Variants in MAP3K19 observed in about 807,000 individuals in gnomAD.
The protein encoded by MAP3K19 is SPS1/STE20-related protein kinase YSK4.
In MAP3K19, 91 loss-of-function variants were observed where a neutral mutation model predicts 114.4. That is an observed-to-expected ratio of 0.80 (90% CI 0.67 to 0.95). The LOEUF (loss-of-function observed/expected upper bound fraction) is 0.95. Ranked by LOEUF, MAP3K19 falls within the 40% of genes least tolerant of loss-of-function variation. MAP3K19 has a pLI of 0.00. For missense variants in MAP3K19, 1,471 were observed against 1,573.2 expected, an observed-to-expected ratio of 0.94 and a Z score of 1.10; for synonymous variants, 518 against 530.5, an observed-to-expected ratio of 0.98 and a Z score of 0.32.
intron 12 of MAP3K19, among the ~76,000 whole-genome samples, chr2:134,971,436 A>G (rs895840747): frequency 1.3e-5 from 2 of 152,162 alleles, no homozygotes; most frequent in African/African-American, 2.4e-5. Flanking sequence ...TGCTGGCTTC[A>G]TTGAATGAGT....
intron 3 of MAP3K19, among the ~76,000 whole-genome samples, chr2:135,028,606 A>G (rs1194172447): frequency 1.3e-5 from 2 of 152,154 alleles, no homozygotes; most frequent in African/African-American, 4.8e-5. Context: ...ACCTGTATTT[A>G]CATAGTCAAA....
Position 134,999,032 on chromosome 2 carries a change from A to G in MAP3K19, c.315-35T>C. The G allele has an allele frequency of 6.3e-7, 1 of 1,591,546 alleles. No individual in the cohort carries two copies. Among genetic ancestry groups the G allele is most frequent in the South Asian group, 1.1e-5 (1 of 87,176 alleles). Reference sequence around the variant, plus strand: ...GAGGGAAATGTTTGATTTAAAACTCAGTTGCCACATCTTCTGGATCTCCAG... The same window carrying G: ...GAGGGAAATGTTTGATTTAAAACTCGGTTGCCACATCTTCTGGATCTCCAG... On this transcript the variant is annotated intron_variant, in intron 7 of 12. Transcript: ENST00000392915. This position sits in a 1 kb window ranked among gnomAD's most constrained non-coding sequence, Gnocchi z 4.1.
At chr2:134,997,622 C>A (rs1686094802) in intron 8 of MAP3K19, among the ~76,000 whole-genome samples, 1 of 151,950 alleles carries the variant, frequency 6.6e-6, no homozygotes, top group Admixed American at 6.6e-5. Context: ...AGATCGACAC[C>A]ATCCTGGCCA....
At chr2:135,004,450 C>T (rs1465806697) in intron 6 of MAP3K19, among the ~76,000 whole-genome samples, 1 of 152,194 alleles carries the variant, frequency 6.6e-6, no homozygotes, top group East Asian at 1.9e-4. Flanking sequence ...ATCGCACCAC[C>T]TCCCGGAGGA....
At chr2:135,021,525 C>T (rs1021898635) in intron 5 of MAP3K19, among the ~76,000 whole-genome samples, 190 bp downstream of exon 5, 2 of 152,140 alleles carry the variant, frequency 1.3e-5, no homozygotes, top group African/African-American at 4.8e-5. Flanking sequence ...ATGCATGAGT[C>T]TCAGAGTTTA....
rs753755442 is a variant in MAP3K19, at chr2:135,040,455, C to T, written c.-376G>A. The stretch of plus-strand genomic sequence containing the variant: ...AGGTTTCCGAGGATGGATTGGACTT[C>T]GGTAATATAGTCACAGATGAGTTCC... On this transcript the variant is annotated 5_prime_UTR_variant, in exon 2 of 13. Transcript: ENST00000392915. 19 of 152,684 alleles carry T rather than the reference C, an allele frequency of 1.2e-4. No homozygotes were observed. The highest frequency in any genetic ancestry group is 1.9e-4 in the Non-Finnish European group (13 of 68,024). The allele number at this position is 152,684 out of a possible 1,614,324, so 9.5% of individuals were successfully genotyped here. A position where few individuals can be genotyped will look rare whatever the true frequency, so the allele number is the denominator to read the frequency against.
chr2:134,988,215 A>G lies in MAP3K19; in HGVS notation c.657T>C (p.Ser219=). The change falls in exon 10 of 13, where the codon TCT becomes TCC. Residue 219 remains serine (S), a synonymous_variant. Transcript: ENST00000392915. ...GATTTTGGGGGATAGTAAGGACACCAGATCGCGTGGGCAAGAGTGACAGTG... is the reference window on the plus strand; with the variant it reads ...GATTTTGGGGGATAGTAAGGACACCGGATCGCGTGGGCAAGAGTGACAGTG... ...LPPLSLLPTR[S]GVLTIPQNHK... is the part of the protein sequence containing the mutation. 6.3e-7 allele frequency: 1 copy of G among 1,599,208 alleles called. No homozygotes were observed. Among genetic ancestry groups the G allele is most frequent in the Non-Finnish European group, 8.5e-7 (1 of 1,174,038 alleles).
chr2:135,014,377 A>G (rs74388640), intron 5 of MAP3K19, among the ~76,000 whole-genome samples: 1 of 146,778 alleles, frequency 6.8e-6, no homozygotes, highest in African/African-American at 2.6e-5. Context: ...AGAAGAAAAG[A>G]AAAAAAAAAG....
chr2:134,966,763 C>T (rs2105123218), intron 12 of MAP3K19, among the ~76,000 whole-genome samples: 1 of 152,332 alleles, frequency 6.6e-6, no homozygotes, highest in African/African-American at 2.4e-5. Flanking sequence ...TCAGGAGGCT[C>T]ATGTCTTACC....
chr2:135,033,578 A>C (rs1214802950), intron 2 of MAP3K19, among the ~76,000 whole-genome samples: 19 of 47,448 alleles, frequency 4.0e-4, no homozygotes, highest in South Asian at 1.3e-3. Context: ...CGGGGGGCTG[A>C]CCCCCCCACC....
At chr2:134,994,985 G>A (rs74525511) in intron 8 of MAP3K19, among the ~76,000 whole-genome samples, 1,762 of 152,230 alleles carry the variant, frequency 0.012, 29 homozygotes, top group African/African-American at 0.035. Flanking sequence ...TCAAGAAGCT[G>A]CTGGGAAATA....
chr2:135,006,897 G>T (rs947766440), intron 5 of MAP3K19, among the ~76,000 whole-genome samples: 3 of 151,940 alleles, frequency 2.0e-5, no homozygotes, highest in African/African-American at 7.3e-5. Flanking sequence ...GTAAAACCTG[G>T]CCAGGCATGG....
chr2:134,976,920 G>A lies in MAP3K19; in HGVS notation c.3920+3901C>T, dbSNP rs553797109. ...ACATCAGCTGGCCACAGTGGCAGGCGCCTGTAGTCCCATCTACTTGGGAGG... is the reference window on the plus strand; with the variant it reads ...ACATCAGCTGGCCACAGTGGCAGGCACCTGTAGTCCCATCTACTTGGGAGG... On this transcript the variant is annotated intron_variant, in intron 12 of 12. Transcript: ENST00000392915. Among the ~76,000 whole-genome samples the A allele has an allele frequency of 1.1e-4, 17 of 151,550 alleles. 1 individual carries two copies. Among genetic ancestry groups the A allele is most frequent in the Middle Eastern group, 6.8e-3 (2 of 294 alleles).
rs77480817 is a variant in MAP3K19, at chr2:135,040,399, C to T, written c.-320G>A. ...TTTCCTCTGCTGCAGTAATGAGAGG[C>T]GTATTCCACGTCTCTGGGTGCTGAA... On this transcript the variant is annotated 5_prime_UTR_variant, in exon 2 of 13. Coordinates refer to ENST00000392915, the MANE Select transcript of MAP3K19 (RefSeq NM_025052.5). 36 of 152,772 alleles carry T rather than the reference C, an allele frequency of 2.4e-4. 1 individual carries two copies. The East Asian group carries it at 6.2e-3, about 26-fold the overall frequency. The allele number at this position is 152,772 out of a possible 1,614,324, so 9.5% of individuals were successfully genotyped here.
At chr2:135,041,085 G>A (rs775883676) in intron 1 of MAP3K19, among the ~76,000 whole-genome samples, 8 of 151,322 alleles carry the variant, frequency 5.3e-5, no homozygotes, top group Non-Finnish European at 1.2e-4. Flanking sequence ...CACCTTATAC[G>A]TATTTCCTTT....
chr2:134,971,843 A>AT (rs994201720), intron 12 of MAP3K19, among the ~76,000 whole-genome samples: 40 of 121,402 alleles, frequency 3.3e-4, no homozygotes, highest in Admixed American at 1.8e-3. Flanking sequence ...TATTGATTTT[A>AT]TTTTTTTTTT....
chr2:135,043,007 C>T (rs919543884), intron 1 of MAP3K19, among the ~76,000 whole-genome samples: 2 of 152,056 alleles, frequency 1.3e-5, no homozygotes, highest in African/African-American at 4.8e-5. Flanking sequence ...CACTTGAACC[C>T]AGGAGGCACA....
chr2:135,032,324 T>A (rs1446596961), intron 2 of MAP3K19, among the ~76,000 whole-genome samples: 2 of 145,848 alleles, frequency 1.4e-5, no homozygotes, highest in East Asian at 4.0e-4. Context: ...ACCACTGCAC[T>A]CTGGCCTGGG....
intron 12 of MAP3K19, among the ~76,000 whole-genome samples, chr2:134,967,445 G>A (rs552520960): frequency 7.9e-5 from 12 of 152,180 alleles, no homozygotes; most frequent in African/African-American, 2.6e-4. Flanking sequence ...TGAATGTATC[G>A]GTATAAAACC....
Sources: gnomAD v4.1 joint callset for allele counts (sites outside exome capture counted in the v4.1 genomes callset) on GRCh38, gnomAD v4.1.1 for gene constraint, Gnocchi (gnomAD v3.1) non-coding constraint, MANE v1.5 for transcripts, NCBI Gene and HGNC (gene_info 2026-07-23, HGNC 2026-07-21) for gene names.